Variants in ANKS1B observed in about 807,000 individuals in gnomAD.
The protein encoded by ANKS1B is ankyrin repeat and sterile alpha motif domain-containing protein 1B.
A neutral mutation model predicts 148.3 loss-of-function variants in ANKS1B; 36 were observed. That is an observed-to-expected ratio of 0.24 (90% CI 0.19 to 0.32). The LOEUF is 0.32. ANKS1B is among the 10% of genes least tolerant of loss of function. The pLI is 1.00. For missense variants in ANKS1B, 1,157 were observed against 1,542.6 expected (o/e 0.75, Z 4.19); for synonymous variants, 542 against 560.8 (o/e 0.97, Z 0.47).
intron 12 of ANKS1B, among the ~76,000 whole-genome samples, chr12:99,391,259 G>A (rs760806861): frequency 6.6e-5 from 10 of 152,034 alleles, no homozygotes; most frequent in South Asian, 2.1e-4. Flanking sequence ...ATCTCTCTTC[G>A]TTTAAAACAC....
intron 10 of ANKS1B, among the ~76,000 whole-genome samples, chr12:99,480,492 T>C (rs2096394345): frequency 6.6e-6 from 1 of 151,888 alleles, no homozygotes; most frequent in South Asian, 2.1e-4. Flanking sequence ...TTAGTAGAAA[T>C]TATTTCTTTG....
At chr12:99,700,862 G>A (rs1419082657) in intron 8 of ANKS1B, among the ~76,000 whole-genome samples, 2 of 152,132 alleles carry the variant, frequency 1.3e-5, no homozygotes, top group Non-Finnish European at 2.9e-5. Context: ...GACAGTCTCA[G>A]GTCATTGACT....
chr12:99,214,915 T>C (rs1006056735), intron 14 of ANKS1B, among the ~76,000 whole-genome samples: 2 of 152,186 alleles, frequency 1.3e-5, no homozygotes, highest in African/African-American at 4.8e-5. Flanking sequence ...AGGTGAGCCT[T>C]GCTATGCTTT....
intron 1 of ANKS1B, among the ~76,000 whole-genome samples, chr12:99,837,687 A>C (rs1278213336): frequency 6.6e-6 from 1 of 152,216 alleles, no homozygotes; most frequent in African/African-American, 2.4e-5. Context: ...ATTTGGAACC[A>C]GGCTGCCTGA....
At chr12:99,188,986 G>A (rs538514193) in intron 14 of ANKS1B, among the ~76,000 whole-genome samples, 3 of 152,086 alleles carry the variant, frequency 2.0e-5, no homozygotes, top group South Asian at 2.1e-4. Flanking sequence ...TCAAATAGAC[G>A]CAATAAAAAA....
chr12:99,342,948 A>G (rs2090144960), intron 12 of ANKS1B, among the ~76,000 whole-genome samples: 3 of 152,074 alleles, frequency 2.0e-5, no homozygotes, highest in South Asian at 4.1e-4. Flanking sequence ...GCTTACATCA[A>G]GAATACTATA....
chr12:98,743,933 G>A (rs1394417855), downstream of ANKS1B: 7 of 901,378 alleles, frequency 7.8e-6, no homozygotes, highest in Non-Finnish European at 9.3e-6. Context: ...GCTCCTAAAT[G>A]GGAGTGGGGA....
At chr12:99,109,319 A>AT (rs2059832848) in intron 15 of ANKS1B, among the ~76,000 whole-genome samples, 1 of 152,184 alleles carries the variant, frequency 6.6e-6, no homozygotes, top group African/African-American at 2.4e-5. Context: ...CCTATTACAT[A>AT]TAACAGCAGT....
chr12:99,931,347 T>C (rs1259511520), intron 1 of ANKS1B, among the ~76,000 whole-genome samples: 1 of 151,052 alleles, frequency 6.6e-6, no homozygotes, highest in African/African-American at 2.4e-5. Flanking sequence ...ATAATAATAA[T>C]AAAATTTAAA....
intron 12 of ANKS1B, among the ~76,000 whole-genome samples, chr12:99,253,289 G>A (rs2074864411): frequency 6.6e-6 from 1 of 152,010 alleles, no homozygotes; most frequent in Non-Finnish European, 1.5e-5. Flanking sequence ...GACTTTGAAT[G>A]TAATAGAATA....
intron 12 of ANKS1B, among the ~76,000 whole-genome samples, chr12:99,302,865 T>C (rs879729520): frequency 6.6e-6 from 1 of 152,274 alleles, no homozygotes; most frequent in Non-Finnish European, 1.5e-5. Flanking sequence ...ATCCAAAGCA[T>C]ACTGAAAGTA....
chr12:98,788,297 C>T (rs947044106), intron 22 of ANKS1B, among the ~76,000 whole-genome samples: 1 of 151,184 alleles, frequency 6.6e-6, no homozygotes, highest in African/African-American at 2.4e-5. Flanking sequence ...AGTTTTCAGT[C>T]TCAAGGAGGC....
At chr12:99,679,511 T>C (rs552691200) in intron 8 of ANKS1B, among the ~76,000 whole-genome samples, 1 of 152,252 alleles carries the variant, frequency 6.6e-6, no homozygotes, top group Admixed American at 6.5e-5. Flanking sequence ...GGTTTCACTA[T>C]GTTGCCCAGG....
intron 12 of ANKS1B, among the ~76,000 whole-genome samples, chr12:99,303,339 T>C (rs1441210238): frequency 6.6e-6 from 1 of 152,132 alleles, no homozygotes; most frequent in East Asian, 1.9e-4. Flanking sequence ...AAACAGTCTA[T>C]TCTAAATATT....
intron 14 of ANKS1B, among the ~76,000 whole-genome samples, chr12:99,237,638 A>C (rs2153959172): frequency 6.6e-6 from 1 of 152,342 alleles, no homozygotes; most frequent in East Asian, 1.9e-4. Context: ...ACAACTTAGC[A>C]GAAGTTGTTA....
intron 9 of ANKS1B, among the ~76,000 whole-genome samples, chr12:99,537,994 T>C (rs1231917625): frequency 6.6e-6 from 1 of 152,056 alleles, no homozygotes; most frequent in East Asian, 1.9e-4. Flanking sequence ...GTTTTCCCAG[T>C]ACCATTTATT....
intron 17 of ANKS1B, among the ~76,000 whole-genome samples, chr12:98,835,852 G>A (rs1287265508): frequency 1.3e-5 from 2 of 152,174 alleles, no homozygotes; most frequent in African/African-American, 4.8e-5. Flanking sequence ...CCCCATCACT[G>A]AAGATACTGA....
intron 12 of ANKS1B, among the ~76,000 whole-genome samples, chr12:99,309,583 TA>T (rs1318753279): frequency 6.6e-6 from 1 of 152,084 alleles, no homozygotes; most frequent in African/African-American, 2.4e-5. Flanking sequence ...GTATACACAT[TA>T]ATTTAGATAA....
chr12:99,267,423 A>G (rs2076555483), intron 12 of ANKS1B, among the ~76,000 whole-genome samples: 1 of 152,196 alleles, frequency 6.6e-6, no homozygotes, highest in Non-Finnish European at 1.5e-5. Flanking sequence ...GAATTAAAAT[A>G]TCTTACATTT....
Sources: allele counts gnomAD v4.1 joint callset (sites outside exome capture counted in the v4.1 genomes callset), GRCh38; gene constraint gnomAD v4.1.1; transcripts MANE v1.5; gene names NCBI Gene and HGNC (gene_info 2026-07-23, HGNC 2026-07-21).